GPA33: variants seen among roughly 807,000 people sequenced by gnomAD.
GPA33 encodes the protein cell surface A33 antigen.
GPA33 carries 27 observed loss-of-function variants against 35.6 expected under a neutral mutation model. That is an observed-to-expected ratio of 0.76 (90% confidence interval 0.56 to 1.04). GPA33 has a LOEUF of 1.04. Ranked by LOEUF, GPA33 falls within the 50% of genes least tolerant of loss-of-function variation. The pLI is 0.00. For missense variants in GPA33, 428 were observed against 411.9 expected (o/e 1.04, Z -0.34); for synonymous variants, 176 against 164.0 (o/e 1.07, Z -0.56).
chr1:167,077,323 T>C (rs1286766581), intron 1 of GPA33, among the ~76,000 whole-genome samples: 1 of 152,216 alleles, frequency 6.6e-6, no homozygotes, highest in Non-Finnish European at 1.5e-5. Flanking sequence ...CTCCCAGCTA[T>C]AGCAGACAGC....
chr1:167,086,099 C>T (rs1040377327), intron 1 of GPA33, among the ~76,000 whole-genome samples: 21 of 152,374 alleles, frequency 1.4e-4, no homozygotes, highest in African/African-American at 4.3e-4. Context: ...GAGGCTGGGA[C>T]TGAGACTAGA....
At chr1:167,087,910 T>TCACA (rs375861023) in intron 1 of GPA33, among the ~76,000 whole-genome samples, 4 of 149,746 alleles carry the variant, frequency 2.7e-5, no homozygotes, top group Admixed American at 1.3e-4. Context: ...AGACTCTGTC[T>TCACA]CACACACACA....
At chr1:167,084,229 G>A (rs765118678) in intron 1 of GPA33, among the ~76,000 whole-genome samples, 1 of 152,184 alleles carries the variant, frequency 6.6e-6, no homozygotes, top group African/African-American at 2.4e-5. Context: ...GTTAGGAGAA[G>A]GGCAAACAGG....
rs778599635 is a variant in GPA33, at chr1:167,054,346, G to T, written c.948C>A (p.His316Gln). 8 of 1,614,100 alleles carry T rather than the reference G, an allele frequency of 5.0e-6. No individual in the cohort carries two copies. The highest frequency in any genetic ancestry group is 6.8e-6 in the Non-Finnish European group (8 of 1,180,004). The stretch of plus-strand genomic sequence containing the variant: ...TGCTGCTGGCCTGTCACTGGTCGAG[G>T]TGGTCCGGGGATTCACGCCCAGTGC... ...QRSTGRESPD[H>Q]LDQ The change falls in exon 7 of 7, where the codon CAC (histidine) becomes CAA (glutamine). Residue 316 changes from histidine to glutamine, a missense_variant. Physicochemically the swap from His to Gln is conservative, Grantham distance 24. Transcript: ENST00000367868.
chr1:167,058,104 C>T (rs1666350758), intron 4 of GPA33, among the ~76,000 whole-genome samples: 1 of 152,110 alleles, frequency 6.6e-6, no homozygotes, highest in Non-Finnish European at 1.5e-5. Context: ...GAGGCTGAGG[C>T]AAAAGAATCG....
chr1:167,084,725 G>A (rs1177772820), intron 1 of GPA33, among the ~76,000 whole-genome samples: 1 of 152,144 alleles, frequency 6.6e-6, no homozygotes, highest in Non-Finnish European at 1.5e-5. Context: ...CTTGGAAGTG[G>A]GTCTTCCAAT....
intron 4 of GPA33, among the ~76,000 whole-genome samples, 172 bp from the exon 5 acceptor site, chr1:167,056,021 A>G (rs1207298650): frequency 6.6e-6 from 1 of 152,202 alleles, no homozygotes; most frequent in Admixed American, 6.5e-5. Context: ...GGCAGGGCCC[A>G]CAATGTGAAG....
intron 3 of GPA33, among the ~76,000 whole-genome samples, chr1:167,064,563 A>C (rs933882107): frequency 6.6e-6 from 1 of 152,222 alleles, no homozygotes; most frequent in Non-Finnish European, 1.5e-5. Flanking sequence ...GTAAAGGGCC[A>C]GGTGGCAATA....
intron 4 of GPA33, among the ~76,000 whole-genome samples, chr1:167,056,596 T>G (rs1666265427): frequency 2.0e-5 from 1 of 50,198 alleles, no homozygotes. Flanking sequence ...GGTATGTGTG[T>G]ATGTGGTGTG....
Position 167,054,333 on chromosome 1 carries a change from G to A in GPA33, c.*1C>T, listed in dbSNP as rs953529951. 1 of 1,614,042 alleles carries A rather than the reference G, an allele frequency of 6.2e-7. No homozygotes were observed. ...CTCCGCCGCCCTCTGCTGCTGGCCT[G>A]TCACTGGTCGAGGTGGTCCGGGGAT... On this transcript the variant is annotated 3_prime_UTR_variant, in exon 7 of 7. Coordinates refer to ENST00000367868, the MANE Select transcript of GPA33 (RefSeq NM_005814.3).
At chr1:167,072,029 G>C (rs1283610572) in intron 2 of GPA33, among the ~76,000 whole-genome samples, 2 of 152,172 alleles carry the variant, frequency 1.3e-5, no homozygotes, top group African/African-American at 4.8e-5. Context: ...GCTAAAGGCA[G>C]CAGCTCCCCT....
intron 3 of GPA33, among the ~76,000 whole-genome samples, chr1:167,066,939 C>T (rs1666607417): frequency 6.6e-6 from 1 of 152,226 alleles, no homozygotes; most frequent in African/African-American, 2.4e-5. Context: ...TCATGCTCGC[C>T]TCGGTTTACT....
At chr1:167,084,134 A>T (rs1667008207) in intron 1 of GPA33, among the ~76,000 whole-genome samples, 1 of 151,978 alleles carries the variant, frequency 6.6e-6, no homozygotes, top group South Asian at 2.1e-4. Context: ...TAGTCATGGG[A>T]AGTTATGGAA....
chr1:167,075,213 T>C (rs991101163), intron 1 of GPA33, among the ~76,000 whole-genome samples: 2 of 152,066 alleles, frequency 1.3e-5, no homozygotes, highest in African/African-American at 4.8e-5. Flanking sequence ...ACATACATTG[T>C]TAAAAGATCA....
intron 3 of GPA33, among the ~76,000 whole-genome samples, chr1:167,064,444 T>C (rs1666544790): frequency 1.3e-5 from 2 of 152,148 alleles, no homozygotes; most frequent in African/African-American, 4.8e-5. Context: ...CACCAGCCCA[T>C]ATGAGCTCCT....
chr1:167,063,734 G>A lies in GPA33; in HGVS notation c.419C>T (p.Pro140Leu). 3.1e-6 allele frequency: 5 copies of A among 1,612,658 alleles called. No individual in the cohort carries two copies. Among genetic ancestry groups the A allele is most frequent in the Non-Finnish European group, 4.2e-6 (5 of 1,179,914 alleles). Residue 140 changes from proline to leucine, a missense_variant, in exon 4 of 7, where the codon CCA (proline) becomes CTA (leucine). Coordinates refer to ENST00000367868, the MANE Select transcript of GPA33 (RefSeq NM_005814.3). ...KSRVRLLVLV[P>L]PSKPECGIEG... Reference sequence around the variant, plus strand: ...GATGCCGCATTCTGGTTTGGAGGGTGGCACTATATAGAGGAGAGACCAAAG... The same window carrying A: ...GATGCCGCATTCTGGTTTGGAGGGTAGCACTATATAGAGGAGAGACCAAAG...
intron 1 of GPA33, among the ~76,000 whole-genome samples, chr1:167,074,897 T>A (rs1666791349): frequency 6.7e-6 from 1 of 149,240 alleles, no homozygotes; most frequent in South Asian, 2.1e-4. Context: ...AGAAAATATA[T>A]TTGACTTACT....
chr1:167,066,755 C>A (rs1056874201), intron 3 of GPA33, among the ~76,000 whole-genome samples: 2 of 152,204 alleles, frequency 1.3e-5, no homozygotes, highest in African/African-American at 4.8e-5. Context: ...CGGAACCAGT[C>A]GGGTGCCAAG....
intron 3 of GPA33, among the ~76,000 whole-genome samples, chr1:167,066,653 G>C (rs946143070): frequency 6.6e-6 from 1 of 152,236 alleles, no homozygotes; most frequent in Non-Finnish European, 1.5e-5. Flanking sequence ...ACCTCCGGGG[G>C]ACTCGGTATA....
Sources: gnomAD v4.1 joint callset for allele counts (sites outside exome capture counted in the v4.1 genomes callset) on GRCh38, gnomAD v4.1.1 for gene constraint, MANE v1.5 for transcripts, NCBI Gene and HGNC (gene_info 2026-07-23, HGNC 2026-07-21) for gene names.